Variants in GRIN3A observed in about 807,000 individuals in gnomAD.
GRIN3A encodes glutamate receptor ionotropic, NMDA 3A.
A neutral mutation model predicts 92.4 loss-of-function variants in GRIN3A; 47 were observed. The observed-to-expected ratio is 0.51, with a 90% CI of 0.40 to 0.65. The LOEUF (loss-of-function observed/expected upper bound fraction) is 0.65. GRIN3A is among the 30% of genes least tolerant of loss of function. The probability of loss-of-function intolerance (pLI) is 0.00; values close to 1 mark genes in which losing one functional copy is unlikely to be tolerated. For synonymous variants in GRIN3A, 527 were observed against 540.6 expected (o/e 0.97, Z 0.35); for missense variants, 1,324 against 1,393.1 (o/e 0.95, Z 0.79).
chr9:101,590,788 G>C (rs1457335722), intron 6 of GRIN3A, among the ~76,000 whole-genome samples: 1 of 152,130 alleles, frequency 6.6e-6, no homozygotes, highest in Non-Finnish European at 1.5e-5. Context: ...GAAAGAAAGA[G>C]TCAGTACTAT....
At chr9:101,601,391 G>C (rs1403721730) in intron 6 of GRIN3A, among the ~76,000 whole-genome samples, 1 of 152,214 alleles carries the variant, frequency 6.6e-6, no homozygotes, top group East Asian at 1.9e-4. Flanking sequence ...AATAGGACAA[G>C]AGACCAGTAT....
At chr9:101,634,919 A>G (rs902795426) in intron 3 of GRIN3A, among the ~76,000 whole-genome samples, 1 of 152,184 alleles carries the variant, frequency 6.6e-6, no homozygotes, top group African/African-American at 2.4e-5. Flanking sequence ...CCTAGTTATT[A>G]CTCATGCTCT....
chr9:101,632,268 T>C (rs1828725085), intron 3 of GRIN3A, among the ~76,000 whole-genome samples: 1 of 152,206 alleles, frequency 6.6e-6, no homozygotes, highest in South Asian at 2.1e-4. Flanking sequence ...CCTCCCATTA[T>C]ACCTACAGTT....
rs1451164224 is a variant in GRIN3A at position 101,659,610 on chromosome 9, G to A, written c.2352+10450C>T. 3.3e-5 allele frequency among the ~76,000 whole-genome samples: 5 copies of A among 151,060 alleles called. No homozygotes were observed. In the East Asian group the frequency reaches 9.8e-4, roughly 30 times the overall value. Reference sequence around the variant, plus strand: ...TAGAAAGTATCTATGTATTGGGATAGCAAATATCTTAATACTTGCTAAGAA... The same window carrying A: ...TAGAAAGTATCTATGTATTGGGATAACAAATATCTTAATACTTGCTAAGAA... On this transcript the variant is annotated intron_variant, in intron 3 of 8. Coordinates refer to ENST00000361820, the MANE Select transcript of GRIN3A (RefSeq NM_133445.3).
chr9:101,617,639 G>A (rs1479648593), intron 5 of GRIN3A, among the ~76,000 whole-genome samples: 1 of 151,590 alleles, frequency 6.6e-6, no homozygotes, highest in Non-Finnish European at 1.5e-5. Context: ...TTTTGTGTGT[G>A]TGTGTGTGTT....
At chr9:101,663,680 C>T (rs879725321) in intron 3 of GRIN3A, among the ~76,000 whole-genome samples, 1 of 135,778 alleles carries the variant, frequency 7.4e-6, no homozygotes, top group Non-Finnish European at 1.7e-5. Flanking sequence ...TAAGGCTCTG[C>T]CAATGTCCTT....
chr9:101,648,968 AACTCACTGCCCTGTC>A (rs950869796), intron 3 of GRIN3A, among the ~76,000 whole-genome samples: 7 of 151,966 alleles, frequency 4.6e-5, no homozygotes, highest in Non-Finnish European at 7.4e-5. Context: ...CATTGAACTT[AACTCACTGCCCTGTC>A]ATTGTTTCCC....
At chr9:101,725,704 A>G (rs1027469383) in intron 1 of GRIN3A, among the ~76,000 whole-genome samples, 1 of 152,240 alleles carries the variant, frequency 6.6e-6, no homozygotes, top group Non-Finnish European at 1.5e-5. Context: ...GTGCCCACTA[A>G]AAATTGTGTT....
intron 3 of GRIN3A, among the ~76,000 whole-genome samples, chr9:101,663,684 T>A (rs964933794): frequency 1.5e-5 from 2 of 131,116 alleles, no homozygotes; most frequent in Non-Finnish European, 3.6e-5. Context: ...GCTCTGCCAA[T>A]GTCCTTTTTT....
chr9:101,675,088 A>G (rs922842643), intron 2 of GRIN3A, among the ~76,000 whole-genome samples: 17 of 152,046 alleles, frequency 1.1e-4, no homozygotes, highest in African/African-American at 4.1e-4. Context: ...TATCTTTGTC[A>G]TGGTTTGATA....
intron 8 of GRIN3A, among the ~76,000 whole-genome samples, chr9:101,574,453 A>G (rs988576602): frequency 2.0e-5 from 3 of 152,204 alleles, no homozygotes; most frequent in African/African-American, 7.2e-5. Context: ...ACCACAGGAC[A>G]AAACTAAATA....
intron 6 of GRIN3A, among the ~76,000 whole-genome samples, chr9:101,587,108 G>A (rs1268688584): frequency 1.3e-5 from 2 of 152,058 alleles, no homozygotes; most frequent in Non-Finnish European, 2.9e-5. Flanking sequence ...TCAGGAGTTC[G>A]AGACCAGCCT....
At chr9:101,616,162 T>C (rs1169207262) in intron 5 of GRIN3A, among the ~76,000 whole-genome samples, 1 of 152,190 alleles carries the variant, frequency 6.6e-6, no homozygotes, top group Non-Finnish European at 1.5e-5. Context: ...AATAAATGAA[T>C]GTGTGAGTGA....
chr9:101,594,892 C>G lies in GRIN3A; in HGVS notation c.2767-15532G>C, dbSNP rs375935503. ...CATCATTGTCAAAGTGGGAGCACAT[C>G]TCCGCCGGGTAACTGGCCTCGTTTC... is the stretch of plus-strand genomic sequence containing the variant. On this transcript the variant is annotated intron_variant, in intron 6 of 8. Transcript: ENST00000361820. 6.6e-5 allele frequency: 105 copies of G among 1,600,442 alleles called. No homozygotes were observed. The highest frequency in any genetic ancestry group is 6.5e-5 in the Non-Finnish European group (77 of 1,179,930).
chr9:101,641,407 T>C lies in GRIN3A; in HGVS notation c.2353-13006A>G, dbSNP rs1353383819. On this transcript the variant is annotated intron_variant, in intron 3 of 8. Coordinates refer to ENST00000361820, the MANE Select transcript of GRIN3A (RefSeq NM_133445.3). ...AACCCAAATGTCCAACAACGATAGA[T>C]TGGATTAAGAAAATGTGGCACATAT... Among the ~76,000 whole-genome samples, 16 of 152,080 alleles carry C rather than the reference T, an allele frequency of 1.1e-4. No homozygotes were observed. In the South Asian group the frequency reaches 2.3e-3, roughly 22 times the overall value.
chr9:101,622,543 G>C (rs564678224), intron 5 of GRIN3A, among the ~76,000 whole-genome samples: 2 of 152,276 alleles, frequency 1.3e-5, no homozygotes, highest in East Asian at 3.9e-4. Context: ...GATCACATTA[G>C]AAGGAAAAAT....
At chr9:101,687,534 T>TAA (rs1829554685) in intron 1 of GRIN3A, among the ~76,000 whole-genome samples, 1 of 152,222 alleles carries the variant, frequency 6.6e-6, no homozygotes, top group East Asian at 1.9e-4. Flanking sequence ...GCTTCCCATT[T>TAA]CTTGGTATTG....
Position 101,737,932 on chromosome 9 carries a change from C to T in GRIN3A, c.48G>A (p.Leu16=). ...LWWLLSRVCL[L]LPPPCALVLA... is the part of the protein sequence containing the mutation. Reference sequence around the variant, plus strand: ...GCACCAGTGCGCAGGGCGGCGGCAACAGCAGACAGACCCTGCTCAGCAGCC... The same window carrying T: ...GCACCAGTGCGCAGGGCGGCGGCAATAGCAGACAGACCCTGCTCAGCAGCC... Residue 16 remains leucine, a synonymous_variant, in exon 1 of 9, where the codon CTG becomes CTA. Coordinates refer to ENST00000361820, the MANE Select transcript of GRIN3A (RefSeq NM_133445.3). The T allele has an allele frequency of 6.5e-7, 1 of 1,537,852 alleles. No homozygotes were observed. The highest frequency in any genetic ancestry group is 1.4e-5 in the African/African-American group (1 of 73,382).
intron 2 of GRIN3A, among the ~76,000 whole-genome samples, chr9:101,684,393 G>A (rs1026889314): frequency 6.6e-6 from 1 of 150,616 alleles, no homozygotes; most frequent in African/African-American, 2.4e-5. Flanking sequence ...TTACAGGCGT[G>A]AGCCACCGCC....
Sources: gnomAD v4.1 joint callset for allele counts (sites outside exome capture counted in the v4.1 genomes callset) on GRCh38, gnomAD v4.1.1 for gene constraint, MANE v1.5 for transcripts, NCBI Gene and HGNC (gene_info 2026-07-23, HGNC 2026-07-21) for gene names.